Variants in GALNT1 observed in about 807,000 individuals in gnomAD.
GALNT1 encodes the protein GalNAc transferase 1.
GALNT1 carries 17 observed loss-of-function variants against 65.7 expected under a neutral mutation model. The ratio of observed to expected loss-of-function variants is 0.26; its 90% CI spans 0.18 to 0.39. The LOEUF (loss-of-function observed/expected upper bound fraction) is 0.39. Among genes scored for constraint, GALNT1 ranks in the 10% least tolerant of loss-of-function variants. The pLI is 1.00. For synonymous variants in GALNT1, 210 were observed against 219.7 expected, an observed-to-expected ratio of 0.96 and a Z score of 0.39; for missense variants, 460 against 672.8, an observed-to-expected ratio of 0.68 and a Z score of 3.50.
chr18:35,697,727 A>C (rs1043912279), intron 9 of GALNT1, among the ~76,000 whole-genome samples: 2 of 152,176 alleles, frequency 1.3e-5, no homozygotes, highest in African/African-American at 4.8e-5. Flanking sequence ...GAAAGTGTGG[A>C]TATTCACACA....
intron 1 of GALNT1, among the ~76,000 whole-genome samples, chr18:35,629,403 G>A (rs1260899546): frequency 5.3e-5 from 8 of 152,096 alleles, no homozygotes; most frequent in Non-Finnish European, 8.8e-5. Flanking sequence ...AGAGAGTGGG[G>A]GCCAATATTC....
intron 5 of GALNT1, among the ~76,000 whole-genome samples, chr18:35,686,334 G>A (rs1434983861): frequency 6.6e-6 from 1 of 152,086 alleles, no homozygotes; most frequent in Non-Finnish European, 1.5e-5. Flanking sequence ...AATTTTCTTT[G>A]AGAGACTGTA....
chr18:35,640,385 C>G (rs531276833), intron 1 of GALNT1, among the ~76,000 whole-genome samples: 19 of 152,106 alleles, frequency 1.2e-4, no homozygotes, highest in African/African-American at 4.6e-4. Context: ...CAAGTATTTT[C>G]TAACAAAATT....
intron 3 of GALNT1, among the ~76,000 whole-genome samples, chr18:35,676,541 TTG>T (rs1213382541): frequency 6.6e-6 from 1 of 152,212 alleles, no homozygotes; most frequent in African/African-American, 2.4e-5. Context: ...GGAGTCTTGC[TTG>T]TGTTTTCTTC....
intron 1 of GALNT1, among the ~76,000 whole-genome samples, chr18:35,613,081 CTTTCTTTCCATT>C (rs2046738194): frequency 6.6e-6 from 1 of 152,188 alleles, no homozygotes; most frequent in African/African-American, 2.4e-5. Context: ...CTCAATTTTT[CTTTCTTTCCATT>C]GCAATACCTT....
chr18:35,613,031 T>C (rs1005828928), intron 1 of GALNT1, among the ~76,000 whole-genome samples: 1 of 152,148 alleles, frequency 6.6e-6, no homozygotes, highest in African/African-American at 2.4e-5. Context: ...AGATCGCAGC[T>C]CCTCTCCACC....
intron 5 of GALNT1, among the ~76,000 whole-genome samples, chr18:35,686,809 C>T (rs2047874893): frequency 6.6e-6 from 1 of 152,066 alleles, no homozygotes; most frequent in Non-Finnish European, 1.5e-5. Context: ...ACTCAGGAAG[C>T]TGAGGTGGGA....
chr18:35,615,527 A>G (rs1021001599), intron 1 of GALNT1, among the ~76,000 whole-genome samples: 1 of 152,208 alleles, frequency 6.6e-6, no homozygotes, highest in Admixed American at 6.6e-5. Context: ...CAAAAGCACA[A>G]TTGTTGAAGG....
chr18:35,584,549 A>G (rs2046358665), intron 1 of GALNT1, among the ~76,000 whole-genome samples: 1 of 152,150 alleles, frequency 6.6e-6, no homozygotes, highest in Non-Finnish European at 1.5e-5. Flanking sequence ...AGGAGTGACT[A>G]CTTACTGTTT....
At chr18:35,624,449 T>C (rs993923825) in intron 1 of GALNT1, among the ~76,000 whole-genome samples, 2 of 152,230 alleles carry the variant, frequency 1.3e-5, no homozygotes, top group African/African-American at 4.8e-5. Flanking sequence ...TCTGAATCCT[T>C]ATGTTTTTGG....
At chr18:35,585,121 G>A (rs2046365213) in intron 1 of GALNT1, among the ~76,000 whole-genome samples, 1 of 152,146 alleles carries the variant, frequency 6.6e-6, no homozygotes. Flanking sequence ...GGGGAGGACG[G>A]CTTCTCTGGG....
chr18:35,696,818 TC>T (rs2048066142), intron 9 of GALNT1, among the ~76,000 whole-genome samples: 2 of 152,342 alleles, frequency 1.3e-5, no homozygotes, highest in African/African-American at 4.8e-5. Context: ...CCGTATTCTT[TC>T]TCAAATCTAA....
Position 35,687,000 on chromosome 18 carries a change from G to A in GALNT1, c.690-16G>A, listed in dbSNP as rs761722148. 1.9e-6 allele frequency: 3 copies of A among 1,596,842 alleles called. No individual in the cohort carries two copies. The highest frequency in any genetic ancestry group is 1.7e-4 in the Middle Eastern group (1 of 5,968). The stretch of plus-strand genomic sequence containing the variant: ...AATGTTTTGAAAGATTTCTTAACTT[G>A]CTTTTATGACATCAGGAGAACAGTG... On this transcript the variant is annotated splice_polypyrimidine_tract_variant and intron_variant, in intron 5 of 11. Coordinates refer to ENST00000269195, the MANE Select transcript of GALNT1 (RefSeq NM_020474.4).
chr18:35,648,097 A>G (rs2047256995), intron 1 of GALNT1, among the ~76,000 whole-genome samples: 1 of 116,362 alleles, frequency 8.6e-6, no homozygotes, highest in Non-Finnish European at 1.7e-5. Flanking sequence ...GGTGGAAGGG[A>G]GGGAGGAAAG....
chr18:35,692,352 GTTA>G (rs768587404), intron 9 of GALNT1, 32 bp downstream of exon 9: 5 of 1,309,128 alleles, frequency 3.8e-6, no homozygotes, highest in African/African-American at 1.6e-5. Flanking sequence ...ATTCTATGTG[GTTA>G]TTATGTTCTT....
chr18:35,652,283 T>C (rs1032225088), intron 1 of GALNT1, among the ~76,000 whole-genome samples: 5 of 152,136 alleles, frequency 3.3e-5, no homozygotes, highest in African/African-American at 1.2e-4. Context: ...CTGTGGACAT[T>C]CTTTCTTTGT....
At chr18:35,697,223 C>G (rs1300381900) in intron 9 of GALNT1, among the ~76,000 whole-genome samples, 1 of 152,004 alleles carries the variant, frequency 6.6e-6, no homozygotes, top group Non-Finnish European at 1.5e-5. Context: ...GAGCACTTAA[C>G]AAACCTGAGA....
At chr18:35,691,737 C>T (rs980325082) in intron 8 of GALNT1, among the ~76,000 whole-genome samples, 1 of 152,154 alleles carries the variant, frequency 6.6e-6, no homozygotes, top group Non-Finnish European at 1.5e-5. Flanking sequence ...AACAGTTGTT[C>T]CATCAGCTAT....
chr18:35,671,175 A>C (rs1020329475), intron 3 of GALNT1, among the ~76,000 whole-genome samples: 1 of 152,012 alleles, frequency 6.6e-6, no homozygotes, highest in African/African-American at 2.4e-5. Flanking sequence ...GCTCATGTTC[A>C]TAGGCAGCCT....
Sources: allele counts gnomAD v4.1 joint callset (sites outside exome capture counted in the v4.1 genomes callset), GRCh38; gene constraint gnomAD v4.1.1; transcripts MANE v1.5; gene names NCBI Gene and HGNC (gene_info 2026-07-23, HGNC 2026-07-21).